The following SYNE1 variants were observed in gnomAD, a reference collection of about 807,000 sequenced individuals.
The protein encoded by SYNE1 is nesprin-1.
A neutral mutation model predicts 1,111.0 loss-of-function variants in SYNE1; 616 were observed. The observed-to-expected ratio is 0.55, with a 90% CI of 0.52 to 0.59. The LOEUF (loss-of-function observed/expected upper bound fraction) is 0.59. Among genes scored for constraint, SYNE1 ranks in the 20% least tolerant of loss-of-function variants. The pLI, the probability that SYNE1 is intolerant of heterozygous loss-of-function variation, is 0.00. For synonymous variants in SYNE1, 3,855 were observed against 3,825.8 expected (o/e 1.01, Z -0.28); for missense variants, 10,006 against 10,417.0 (o/e 0.96, Z 1.72).
chr6:152,179,470 A>G (rs2067307420), intron 129 of SYNE1: 1 of 142,928 alleles, frequency 7.0e-6, no homozygotes, highest in Non-Finnish European at 1.5e-5. Context: ...TTACCTTTTT[A>G]AAACAAAAAA....
At chr6:152,485,140 C>T (rs757846286) in intron 12 of SYNE1, among the ~76,000 whole-genome samples, 168 bp from the exon 13 acceptor site, 29 of 152,156 alleles carry the variant, frequency 1.9e-4, no homozygotes, top group Non-Finnish European at 3.5e-4. Flanking sequence ...ATTCATCAAG[C>T]CCTGACATAG....
chr6:152,454,616 T>C (rs1182635789), intron 24 of SYNE1, among the ~76,000 whole-genome samples: 1 of 152,222 alleles, frequency 6.6e-6, no homozygotes, highest in East Asian at 1.9e-4. Context: ...CATGCACATA[T>C]TACATATGAC....
At chr6:152,396,616 GA>G (rs2097735131) in intron 50 of SYNE1, among the ~76,000 whole-genome samples, 158 bp downstream of exon 50, 1 of 152,004 alleles carries the variant, frequency 6.6e-6, no homozygotes, top group African/African-American at 2.4e-5. Flanking sequence ...CCGAAAAATT[GA>G]TTATTGCCCT....
intron 3 of SYNE1, among the ~76,000 whole-genome samples, chr6:152,556,568 C>G (rs1427834304): frequency 6.6e-6 from 1 of 152,190 alleles, no homozygotes; most frequent in Non-Finnish European, 1.5e-5. Context: ...TCTGTGGACT[C>G]AGGTTTTAGG....
At chr6:152,372,734 A>T (rs1488770553) in intron 59 of SYNE1, among the ~76,000 whole-genome samples, 2 of 152,236 alleles carry the variant, frequency 1.3e-5, no homozygotes, top group Admixed American at 6.5e-5. Context: ...GAAATGAGAC[A>T]GTTCACATGA....
At chr6:152,285,425 G>C (rs565046038) in intron 95 of SYNE1, among the ~76,000 whole-genome samples, 1 of 152,242 alleles carries the variant, frequency 6.6e-6, no homozygotes, top group East Asian at 1.9e-4. Context: ...GCAACCTTTT[G>C]AAAATATCAA....
chr6:152,531,033 C>G (rs1278810507), intron 4 of SYNE1, among the ~76,000 whole-genome samples: 1 of 151,908 alleles, frequency 6.6e-6, no homozygotes, highest in East Asian at 1.9e-4. Flanking sequence ...TCATAGTTGT[C>G]TAGGTTATCA....
intron 11 of SYNE1, among the ~76,000 whole-genome samples, chr6:152,495,324 G>A (rs995916480): frequency 1.3e-5 from 2 of 152,104 alleles, no homozygotes; most frequent in East Asian, 3.9e-4. Flanking sequence ...AGGCCACCGC[G>A]GTCATCTCCT....
Position 152,462,812 on chromosome 6 carries a change from C to T in SYNE1, c.2176G>A (p.Glu726Lys), listed in dbSNP as rs772966356. Residue 726 changes from glutamate (E) to lysine (K), a missense_variant, in exon 20 of 146, where the codon GAA becomes AAA. By Grantham distance (56) the Glu-to-Lys change is moderately conservative (BLOSUM62 1). Transcript: ENST00000367255. ...GGTTCAGAAAGTTTCTTATGGGCTT[C>T]CGTTGCAAAAGCAGACAGGGTAACA... ...CVVTLSAFATEAHKKLSEPLE... is the reference protein window; with the variant it reads ...CVVTLSAFATKAHKKLSEPLE... 6.2e-7 allele frequency: 1 copy of T among 1,613,994 alleles called. No homozygotes were observed. The highest frequency in any genetic ancestry group is 8.5e-7 in the Non-Finnish European group (1 of 1,179,940).
chr6:152,180,320 G>C, intron 128 of SYNE1, 26 bp from the exon 129 acceptor site: 1 of 1,612,476 alleles, frequency 6.2e-7, no homozygotes, highest in Non-Finnish European at 8.5e-7. Context: ...TGGGAGAATA[G>C]GCAAAATGAT....
At chr6:152,371,940 A>AAGGAAAGGAAAGGAC in intron 59 of SYNE1, among the ~76,000 whole-genome samples, 1 of 140,972 alleles carries the variant, frequency 7.1e-6, no homozygotes, top group African/African-American at 2.8e-5. Context: ...CAGGACAGGA[A>AAGGAAAGGAAAGGAC]AGGAAAGGAA....
intron 34 of SYNE1, among the ~76,000 whole-genome samples, chr6:152,431,991 C>G (rs1299603799): frequency 2.0e-5 from 3 of 152,126 alleles, no homozygotes; most frequent in African/African-American, 7.2e-5. Flanking sequence ...ATCGGTGAAA[C>G]AAACTTAGTT....
intron 8 of SYNE1, among the ~76,000 whole-genome samples, chr6:152,507,308 T>G (rs1290420149): frequency 6.6e-6 from 1 of 152,182 alleles, no homozygotes; most frequent in African/African-American, 2.4e-5. Flanking sequence ...CACCATGTAA[T>G]TAGCTATTTC....
chr6:152,594,075 G>A (rs1174519114), intron 3 of SYNE1, among the ~76,000 whole-genome samples: 2 of 152,018 alleles, frequency 1.3e-5, no homozygotes, highest in Non-Finnish European at 2.9e-5. Flanking sequence ...CTTTGTTTCT[G>A]GAAAGGCTTC....
Position 152,310,691 on chromosome 6 carries a change from A to G in SYNE1, c.16893T>C (p.Ala5631=), listed in dbSNP as rs1355823817. The change falls in exon 88 of 146, where the codon GCT becomes GCC. Residue 5631 remains alanine (A), a synonymous_variant. Transcript: ENST00000367255. ...TCTTTTTTTTTTCTTTTTTTACCTT[A>G]GCTGCATCTTGGAGGTTCTGCAAAC... The part of the protein sequence containing the change: ...KIRLQNLQDA[A]KDMKKFEAEL... The G allele has an allele frequency of 6.2e-7, 1 of 1,612,010 alleles. No homozygotes were observed.
At chr6:152,233,703 G>A in intron 112 of SYNE1, 78 bp downstream of exon 112, 4 of 1,557,472 alleles carry the variant, frequency 2.6e-6, no homozygotes, top group African/African-American at 1.4e-5. Context: ...AAATTTGTGA[G>A]CAAAAGCAAA....
chr6:152,527,516 A>G (rs1224909449), intron 4 of SYNE1, among the ~76,000 whole-genome samples: 1 of 152,226 alleles, frequency 6.6e-6, no homozygotes, highest in Non-Finnish European at 1.5e-5. Flanking sequence ...GAATAAAAGA[A>G]GCCATTACAA....
rs367594476 is a variant in SYNE1, at chr6:152,413,488, C to T, written c.6094G>A (p.Glu2032Lys). The T allele has an allele frequency of 3.2e-5, 52 of 1,613,994 alleles. No homozygotes were observed. Among genetic ancestry groups the T allele is most frequent in the Admixed American group, 6.7e-5 (4 of 59,990 alleles). ...TCTTTCAACCAACATAGTTCATGCT[C>T]GTGAGAATTCAATTCATCTTCTAGC... is the stretch of plus-strand genomic sequence containing the variant. ...NQLEDELNSH[E>K]HELCWLKDKA... Residue 2032 changes from glutamate to lysine, a missense_variant, in exon 42 of 146, where the codon GAG becomes AAG. By Grantham distance (56) the Glu-to-Lys change is moderately conservative. Coordinates refer to ENST00000367255, the MANE Select transcript of SYNE1 (RefSeq NM_182961.4).
At chr6:152,355,054 A>G in intron 66 of SYNE1, 78 bp from the exon 67 acceptor site, 2 of 1,503,630 alleles carry the variant, frequency 1.3e-6, no homozygotes, top group Non-Finnish European at 1.8e-6. Flanking sequence ...GCCCAAGCCA[A>G]CTGTGCCCAC....
Sources: allele counts gnomAD v4.1 joint callset (sites outside exome capture counted in the v4.1 genomes callset), GRCh38; gene constraint gnomAD v4.1.1; transcripts MANE v1.5; gene names NCBI Gene and HGNC (gene_info 2026-07-23, HGNC 2026-07-21).